The following DHRS11 variants were observed in gnomAD, a reference collection of about 807,000 sequenced individuals.
DHRS11 encodes the protein dehydrogenase/reductase 11, also known as dehydrogenase/reductase SDR family member 11.
In DHRS11, 18 loss-of-function variants were observed where a neutral mutation model predicts 30.7. The ratio of observed to expected loss-of-function variants is 0.59; its 90% CI spans 0.41 to 0.87. The LOEUF (loss-of-function observed/expected upper bound fraction) is 0.87, where lower values mean the gene tolerates loss of function less well. Ranked by LOEUF, DHRS11 falls within the 40% of genes least tolerant of loss-of-function variation. The pLI, the probability that DHRS11 is intolerant of heterozygous loss-of-function variation, is 0.00. For synonymous variants in DHRS11, 123 were observed against 139.6 expected (o/e 0.88, Z 0.84); for missense variants, 300 against 349.0 (o/e 0.86, Z 1.12).
chr17:36,595,825 G>T (rs1156266705), intron 2 of DHRS11, among the ~76,000 whole-genome samples: 1 of 152,172 alleles, frequency 6.6e-6, no homozygotes, highest in Non-Finnish European at 1.5e-5. Flanking sequence ...TGTCAGTCCT[G>T]TGCCTGGGTG....
Position 36,599,629 on chromosome 17 carries a change from G to C in DHRS11, c.583-42G>C, listed in dbSNP as rs375332600. The C allele has an allele frequency of 3.1e-6, 5 of 1,608,514 alleles. 1 individual carries two copies. In the South Asian group the frequency reaches 3.3e-5, roughly 11 times the overall value. On this transcript the variant is annotated intron_variant, in intron 4 of 6. Transcript: ENST00000618403. Reference sequence around the variant, plus strand: ...TCTCCCCTCGACCTCCCCAAGACCTGGCAAAGCTCAGCCCCTGAGAAGGCC... The same window carrying C: ...TCTCCCCTCGACCTCCCCAAGACCTCGCAAAGCTCAGCCCCTGAGAAGGCC...
In DHRS11 at chr17:36,599,021, C is replaced by T. The variant is rs766421237; in HGVS notation, c.553C>T (p.Arg185Trp). ...GACAGAGGGACTGAGGCAAGAGCTT[C>T]GGGAGGCCCAGACCCACATCCGAGC... ...ALTEGLRQELREAQTHIRATC... is the reference protein window; with the variant it reads ...ALTEGLRQELWEAQTHIRATC... Residue 185 changes from arginine (R) to tryptophan (W), a missense_variant, in exon 4 of 7, where the codon CGG (arginine) becomes TGG (tryptophan). Transcript: ENST00000618403. 19 of 1,612,662 alleles carry T rather than the reference C, an allele frequency of 1.2e-5. No homozygotes were observed. The African/African-American group carries it at 2.0e-4, about 17-fold the overall frequency.
chr17:36,598,915 A>G lies in DHRS11; in HGVS notation c.453-6A>G, dbSNP rs764591361. On this transcript the variant is annotated splice_polypyrimidine_tract_variant and splice_region_variant and intron_variant, in intron 3 of 6. Coordinates refer to ENST00000618403, the MANE Select transcript of DHRS11 (RefSeq NM_024308.4). ...TCTCCTCTTTCCCCTTCCTCTCCCC[A>G]CCCAGCATGTCTGGCCACCGAGTGT... 2.9e-5 allele frequency: 47 copies of G among 1,609,016 alleles called. No individual in the cohort carries two copies. Among genetic ancestry groups the G allele is most frequent in the Non-Finnish European group, 3.9e-5 (46 of 1,177,862 alleles).
At chr17:36,599,290 G>A in intron 4 of DHRS11, 1 of 635,484 alleles carries the variant, frequency 1.6e-6, no homozygotes, top group South Asian at 2.3e-5. Context: ...GCTGACCTGA[G>A]GGAAAGCAAG....
At chr17:36,599,368 A>G (rs1021185105) in intron 4 of DHRS11, 7 of 556,760 alleles carry the variant, frequency 1.3e-5, no homozygotes, top group Non-Finnish European at 2.2e-5. Flanking sequence ...TGAAGGCCGC[A>G]TGATCGTGAG....
rs1471054596 is a variant in DHRS11, at chr17:36,598,318, C to T, written c.452+61C>T. 2.7e-6 allele frequency: 4 copies of T among 1,499,658 alleles called. No homozygotes were observed. The African/African-American group carries it at 4.1e-5, about 16-fold the overall frequency. The allele number at this position is 1,499,658 out of a possible 1,614,324, so 92.9% of individuals were successfully genotyped here. ...CCAGGCTGGGTAATGTGCTGCAGCT[C>T]ACCTGACCTCTTTGGACCTCAGTTT... On this transcript the variant is annotated intron_variant, in intron 3 of 6. Transcript: ENST00000618403.
Position 36,592,032 on chromosome 17 carries a change from G to T in DHRS11, c.23G>T (p.Arg8Leu). MARPGMERWRDRLALVTG... is the reference protein window; with the variant it reads MARPGMELWRDRLALVTG... ...CCCATGGCCAGGCCCGGCATGGAGC[G>T]GTGGCGCGACCGGCTGGCGCTGGTG... Residue 8 changes from arginine to leucine, a missense_variant, in exon 1 of 7, where the codon CGG (arginine) becomes CTG (leucine). Coordinates refer to ENST00000618403, the MANE Select transcript of DHRS11 (RefSeq NM_024308.4). The surrounding 1 kb of genome is among the most constrained non-coding windows in gnomAD (Gnocchi z 4.4). The T allele has an allele frequency of 8.1e-7, 1 of 1,231,126 alleles. No individual in the cohort carries two copies. Among genetic ancestry groups the T allele is most frequent in the Non-Finnish European group, 1.0e-6 (1 of 986,970 alleles). 76.3% of individuals were successfully genotyped at this position (1,231,126 alleles called of 1,614,324 possible).
In DHRS11 at chr17:36,599,647, A is replaced by G. The variant is rs368331962; in HGVS notation, c.583-24A>G. 5.6e-6 allele frequency: 9 copies of G among 1,613,690 alleles called. No individual in the cohort carries two copies. The African/African-American group carries it at 1.2e-4, about 22-fold the overall frequency. On this transcript the variant is annotated intron_variant, in intron 4 of 6. Coordinates refer to ENST00000618403, the MANE Select transcript of DHRS11 (RefSeq NM_024308.4). ...AAGACCTGGCAAAGCTCAGCCCCTG[A>G]GAAGGCCCTCTCTGTTGGCCCAGTG...
chr17:36,595,410 CTTTTT>C (rs34424724), intron 2 of DHRS11, among the ~76,000 whole-genome samples: 1 of 51,640 alleles, frequency 1.9e-5, no homozygotes, highest in Non-Finnish European at 3.3e-5. Flanking sequence ...GGAGGTAGTT[CTTTTT>C]TTTTTTTTTT....
Position 36,598,221 on chromosome 17 carries a change from G to A in DHRS11, c.416G>A (p.Arg139Gln), listed in dbSNP as rs143176286. ...TREAYQSMKE[R>Q]NVDDGHIINI... is the part of the protein sequence containing the mutation. Reference sequence around the variant, plus strand: ...GAAGCCTACCAGTCCATGAAGGAGCGGAATGTGGACGATGGGCACATCATT... The same window carrying A: ...GAAGCCTACCAGTCCATGAAGGAGCAGAATGTGGACGATGGGCACATCATT... Residue 139 changes from arginine to glutamine, a missense_variant, in exon 3 of 7, where the codon CGG (arginine) becomes CAG (glutamine). Arg to Gln is a conservative substitution (Grantham distance 43). Coordinates refer to ENST00000618403, the MANE Select transcript of DHRS11 (RefSeq NM_024308.4). 5.3e-4 allele frequency: 854 copies of A among 1,614,110 alleles called. 6 individuals carry two copies. In the South Asian group the frequency reaches 6.9e-3, roughly 13 times the overall value.
rs2074780798 is a variant in DHRS11, at chr17:36,592,998, C to T, written c.147+842C>T. Among the ~76,000 whole-genome samples, 1 of 152,042 alleles carries T rather than the reference C, an allele frequency of 6.6e-6. No individual in the cohort carries two copies. The highest frequency in any genetic ancestry group is 2.4e-5 in the African/African-American group (1 of 41,390). On this transcript the variant is annotated intron_variant, in intron 1 of 6. Transcript: ENST00000618403. The surrounding 1 kb of genome is among the most constrained non-coding windows in gnomAD (Gnocchi z 4.4). Reference sequence around the variant, plus strand: ...AGGTATACAGGAAGGAGGACTGTCCCCTCCCCTGCTGCTGACCAAAGGTAT... The same window carrying T: ...AGGTATACAGGAAGGAGGACTGTCCTCTCCCCTGCTGCTGACCAAAGGTAT...
At chr17:36,596,889 G>C (rs2074815329) in intron 2 of DHRS11, 1 of 470,812 alleles carries the variant, frequency 2.1e-6, no homozygotes, top group Non-Finnish European at 4.4e-6. Flanking sequence ...GAAGCCCTCA[G>C]CCTTCTTGGA....
chr17:36,594,873 A>G lies in DHRS11; in HGVS notation c.148-98A>G. On this transcript the variant is annotated intron_variant, in intron 1 of 6. Transcript: ENST00000618403. ...GCTGAAAGTCAGCTGCCAAAGGAGC[A>G]TGTTTTATGAGTGTGACGGGGGTCG... 4 of 1,265,870 alleles carry G rather than the reference A, an allele frequency of 3.2e-6. No homozygotes were observed. The East Asian group carries it at 7.2e-5, about 23-fold the overall frequency. 78.4% of individuals were successfully genotyped at this position (1,265,870 alleles called of 1,614,324 possible). A position where few individuals can be genotyped will look rare whatever the true frequency, so the allele number is the denominator to read the frequency against.
Position 36,592,047 on chromosome 17 carries a change from TG to T in DHRS11, c.40del (p.Ala14ArgfsTer3). ...GGCATGGAGCGGTGGCGCGACCGGC[TG>T]GCGCTGGTGACGGGGGCCTCGGGGG... ...RPGMERWRDR[L>X]ALVTGASGGI... is the part of the protein sequence containing the mutation. On this transcript the variant is annotated frameshift_variant, in exon 1 of 7. Coordinates refer to ENST00000618403, the MANE Select transcript of DHRS11 (RefSeq NM_024308.4). LOFTEE classifies it high-confidence loss of function. This position sits in a 1 kb window ranked among gnomAD's most constrained non-coding sequence, Gnocchi z 4.4. 1 of 1,233,218 alleles carries T rather than the reference TG, an allele frequency of 8.1e-7. No homozygotes were observed. Among genetic ancestry groups the T allele is most frequent in the Non-Finnish European group, 1.0e-6 (1 of 988,092 alleles). 76.4% of individuals were successfully genotyped at this position (1,233,218 alleles called of 1,614,324 possible).
intron 5 of DHRS11, 73 bp downstream of exon 5, chr17:36,599,836 A>G: frequency 6.3e-7 from 1 of 1,597,466 alleles, no homozygotes; most frequent in Non-Finnish European, 8.6e-7. Context: ...CGGCCTTCAG[A>G]CTCCACTCTT....
chr17:36,598,867 C>T, intron 3 of DHRS11, 54 bp from the exon 4 acceptor site: 1 of 1,565,054 alleles, frequency 6.4e-7, no homozygotes, highest in Non-Finnish European at 8.7e-7. Flanking sequence ...AGGAGCACCA[C>T]TGGTCTCCCT....
In DHRS11 at chr17:36,600,451, G is replaced by A; in HGVS notation, c.*248G>A. 1 of 597,990 alleles carries A rather than the reference G, an allele frequency of 1.7e-6. No homozygotes were observed. The highest frequency in any genetic ancestry group is 3.0e-6 in the Non-Finnish European group (1 of 338,194). The allele number at this position is 597,990 out of a possible 1,614,324, so 37.0% of individuals were successfully genotyped here. Reference sequence around the variant, plus strand: ...CTTGTTAACTTGTTCTTGTGCCCCTGGGCACTTGGCCTTTGTCTGCTCTCA... The same window carrying A: ...CTTGTTAACTTGTTCTTGTGCCCCTAGGCACTTGGCCTTTGTCTGCTCTCA... On this transcript the variant is annotated 3_prime_UTR_variant, in exon 7 of 7. Coordinates refer to ENST00000618403, the MANE Select transcript of DHRS11 (RefSeq NM_024308.4).
rs1176993486 is a variant in DHRS11, at chr17:36,598,938, T to G, written c.470T>G (p.Val157Gly). 1.9e-6 allele frequency: 3 copies of G among 1,613,028 alleles called. No homozygotes were observed. The Admixed American group carries it at 5.0e-5, about 27-fold the overall frequency. The change falls in exon 4 of 7, where the codon GTG (valine) becomes GGG (glycine). Residue 157 changes from valine to glycine, a missense_variant. Physicochemically the swap from Val to Gly is moderately radical, Grantham distance 109. Transcript: ENST00000618403. ...CCACCCAGCATGTCTGGCCACCGAG[T>G]GTTACCCCTGTCTGTGACCCACTTC... ...ININSMSGHR[V>G]LPLSVTHFYS...
rs992736878 is a variant in DHRS11 at position 36,599,684 on chromosome 17, G to A, written c.596G>A (p.Gly199Asp). The change falls in exon 5 of 7, where the codon GGT (glycine) becomes GAT (aspartate). Residue 199 changes from glycine to aspartate, a missense_variant. Gly to Asp is a moderately conservative substitution (Grantham distance 94). Transcript: ENST00000618403. Reference sequence around the variant, plus strand: ...CTGTTGGCCCAGTGCATCTCTCCAGGTGTGGTGGAGACACAATTCGCCTTC... The same window carrying A: ...CTGTTGGCCCAGTGCATCTCTCCAGATGTGGTGGAGACACAATTCGCCTTC... The part of the protein sequence containing the change: ...THIRATCISP[G>D]VVETQFAFKL... The A allele has an allele frequency of 1.2e-6, 2 of 1,614,192 alleles. No individual in the cohort carries two copies. Among genetic ancestry groups the A allele is most frequent in the Non-Finnish European group, 1.7e-6 (2 of 1,180,028 alleles).
Sources: gnomAD v4.1 joint callset for allele counts (sites outside exome capture counted in the v4.1 genomes callset) on GRCh38, gnomAD v4.1.1 for gene constraint, Gnocchi (gnomAD v3.1) non-coding constraint, MANE v1.5 for transcripts, NCBI Gene and HGNC (gene_info 2026-07-23, HGNC 2026-07-21) for gene names.